The following DSTYK variants were observed in gnomAD, a reference collection of about 807,000 sequenced individuals.
DSTYK encodes RIP-homologous kinase.
In DSTYK, 34 loss-of-function variants were observed where a neutral mutation model predicts 98.7. The ratio of observed to expected loss-of-function variants is 0.34; its 90% CI spans 0.26 to 0.46. The LOEUF is 0.46. Among genes scored for constraint, DSTYK ranks in the 20% least tolerant of loss-of-function variants. DSTYK has a pLI of 1.00. For missense variants in DSTYK, 962 were observed against 1,181.7 expected (o/e 0.81, Z 2.73); for synonymous variants, 462 against 457.3 (o/e 1.01, Z -0.13).
rs377628453 is a variant in DSTYK at position 205,169,480 on chromosome 1, T to C, written c.1007A>G (p.Gln336Arg). ...GCTCAAGTGTCTCAGCTTTTCACTC[T>C]GTTCCACCAACATGCTCTGAGCTTT... Reference protein sequence around the residue: ...DTKAQSMLVEQSEKLRHLSTF... With the variant: ...DTKAQSMLVERSEKLRHLSTF... Residue 336 changes from glutamine to arginine, a missense_variant, in exon 3 of 13, where the codon CAG becomes CGG. Around this residue, in one of 4 missense-constraint regions of DSTYK, gnomAD observed 660 missense variants for 855.0 expected, o/e 0.77. Transcript: ENST00000367162. The surrounding 1 kb of genome is among the most constrained non-coding windows in gnomAD (Gnocchi z 4.0). The C allele has an allele frequency of 2.0e-4, 324 of 1,614,170 alleles. 2 individuals carry two copies. The Middle Eastern group carries it at 3.6e-3, about 18-fold the overall frequency.
At chr1:205,195,922 G>A (rs370984184) in intron 1 of DSTYK, among the ~76,000 whole-genome samples, 1 of 152,202 alleles carries the variant, frequency 6.6e-6, no homozygotes, top group East Asian at 1.9e-4. Context: ...AGGCTTTAAC[G>A]TATGGGACGC....
At chr1:205,188,337 T>G (rs1658616232) in intron 1 of DSTYK, among the ~76,000 whole-genome samples, 1 of 152,220 alleles carries the variant, frequency 6.6e-6, no homozygotes, top group Non-Finnish European at 1.5e-5. Context: ...CAGGCAATTT[T>G]GTCATTGTGT....
intron 1 of DSTYK, among the ~76,000 whole-genome samples, chr1:205,192,830 C>T (rs574363743): frequency 7.2e-5 from 11 of 152,088 alleles, no homozygotes; most frequent in Non-Finnish European, 4.4e-5. Context: ...CCATTGCACT[C>T]CAGTCTGAGT....
intron 2 of DSTYK, among the ~76,000 whole-genome samples, chr1:205,186,960 A>C (rs1397729685): frequency 6.6e-6 from 1 of 152,242 alleles, no homozygotes; most frequent in Non-Finnish European, 1.5e-5. Flanking sequence ...AGATCTAAGG[A>C]AGAACCCACA....
chr1:205,203,258 A>G (rs1659093580), intron 1 of DSTYK, among the ~76,000 whole-genome samples: 1 of 149,426 alleles, frequency 6.7e-6, no homozygotes, highest in African/African-American at 2.5e-5. Flanking sequence ...CAAGGTGGCC[A>G]GATCACTTGA....
rs192535495 is a variant in DSTYK, at chr1:205,211,634, C to T, written c.-99G>A. ...TGCCGAAGGGAGGAGGAATCCGCCT[C>T]CTGACGCCCCCGCCTGCAGTCAGCC... On this transcript the variant is annotated 5_prime_UTR_variant, in exon 1 of 13. Coordinates refer to ENST00000367162, the MANE Select transcript of DSTYK (RefSeq NM_015375.3). 1.3e-4 allele frequency: 176 copies of T among 1,381,550 alleles called. 1 individual carries two copies. In the African/African-American group the frequency reaches 2.4e-3, roughly 19 times the overall value. 85.6% of individuals were successfully genotyped at this position (1,381,550 alleles called of 1,614,324 possible). A position where few individuals can be genotyped will look rare whatever the true frequency, so the allele number is the denominator to read the frequency against.
intron 2 of DSTYK, among the ~76,000 whole-genome samples, chr1:205,170,594 T>C (rs963456043): frequency 3.3e-5 from 5 of 152,210 alleles, no homozygotes; most frequent in Non-Finnish European, 7.3e-5. Context: ...TGTCCTGTTC[T>C]GAGTCTGTAG....
At chr1:205,208,170 G>A (rs1287761567) in intron 1 of DSTYK, among the ~76,000 whole-genome samples, 1 of 152,094 alleles carries the variant, frequency 6.6e-6, no homozygotes, top group African/African-American at 2.4e-5. Flanking sequence ...GTGAGCCACC[G>A]CACCCAGCCT....
Position 205,147,451 on chromosome 1 carries a change from T to C in DSTYK, c.*107A>G. The C allele has an allele frequency of 7.9e-7, 1 of 1,264,226 alleles. No homozygotes were observed. The highest frequency in any genetic ancestry group is 1.6e-5 in the South Asian group (1 of 61,546). The allele number at this position is 1,264,226 out of a possible 1,614,324, so 78.3% of individuals were successfully genotyped here. On this transcript the variant is annotated 3_prime_UTR_variant, in exon 13 of 13. Coordinates refer to ENST00000367162, the MANE Select transcript of DSTYK (RefSeq NM_015375.3). ...TTCCAAGTTTCCCAGCAAGCACCAG[T>C]TCCCTTGGGAGTGTGTCCTATAGTG... is the stretch of plus-strand genomic sequence containing the variant.
intron 10 of DSTYK, 33 bp downstream of exon 10, chr1:205,157,240 G>A (rs749258992): frequency 1.3e-6 from 2 of 1,568,298 alleles, no homozygotes; most frequent in South Asian, 1.1e-5. Flanking sequence ...CACAGAGGTA[G>A]GGTATAATCT....
At chr1:205,191,412 A>G (rs1276479689) in intron 1 of DSTYK, among the ~76,000 whole-genome samples, 1 of 152,210 alleles carries the variant, frequency 6.6e-6, no homozygotes, top group East Asian at 1.9e-4. Flanking sequence ...ACGAGAATGA[A>G]GGCAGGCTTT....
At position 205,187,549 on chromosome 1, in the gene DSTYK, G is replaced by A; in HGVS notation, c.523C>T (p.His175Tyr). The A allele has an allele frequency of 6.2e-7, 1 of 1,614,160 alleles. No homozygotes were observed. The highest frequency in any genetic ancestry group is 1.1e-5 in the South Asian group (1 of 91,082). Residue 175 changes from histidine to tyrosine, a missense_variant, in exon 2 of 13, where the codon CAC becomes TAC. His to Tyr is a moderately conservative substitution (Grantham distance 83, BLOSUM62 2). Transcript: ENST00000367162. ...TTGCCCTGATGAGCAACCAGCGTGT[G>A]CACTAGTTCATACTGTCCAGGGAGC... ...LALPGQYELV[H>Y]TLVAHQGNWE...
intron 10 of DSTYK, among the ~76,000 whole-genome samples, chr1:205,152,939 G>A (rs1353119782): frequency 6.6e-6 from 1 of 152,114 alleles, no homozygotes; most frequent in Non-Finnish European, 1.5e-5. Context: ...TGGTACATAT[G>A]AAGATCCTAA....
Position 205,211,588 on chromosome 1 carries a change from T to A in DSTYK, c.-53A>T. 2 of 1,402,300 alleles carry A rather than the reference T, an allele frequency of 1.4e-6. No homozygotes were observed. Among genetic ancestry groups the A allele is most frequent in the Non-Finnish European group, 1.8e-6 (2 of 1,086,074 alleles). 86.9% of individuals were successfully genotyped at this position (1,402,300 alleles called of 1,614,324 possible). On this transcript the variant is annotated 5_prime_UTR_variant, in exon 1 of 13. Transcript: ENST00000367162. ...TCGGTCCCCGGCCGCAGGCCCGGCC[T>A]CCCTCCTCCCCGCCCCCCAGTGCCG... is the stretch of plus-strand genomic sequence containing the variant.
At chr1:205,196,588 T>A (rs765637264) in intron 1 of DSTYK, among the ~76,000 whole-genome samples, 4 of 151,756 alleles carry the variant, frequency 2.6e-5, no homozygotes, top group African/African-American at 4.8e-5. Context: ...AAAAACCCCA[T>A]CACTGAGACA....
At chr1:205,208,294 T>C (rs1659267227) in intron 1 of DSTYK, among the ~76,000 whole-genome samples, 1 of 152,228 alleles carries the variant, frequency 6.6e-6, no homozygotes, top group Non-Finnish European at 1.5e-5. Context: ...CTTTACTCTT[T>C]TGTGGGTGAA....
chr1:205,169,865 T>C lies in DSTYK; in HGVS notation c.655-33A>G, dbSNP rs959594337. The C allele has an allele frequency of 1.3e-6, 2 of 1,574,660 alleles. No individual in the cohort carries two copies. The highest frequency in any genetic ancestry group is 1.7e-6 in the Non-Finnish European group (2 of 1,163,628). Reference sequence around the variant, plus strand: ...GGGAAGGGGGTCATATATCAGCGCCTCAGGGTCAGAACCAATCCCTGTCTC... The same window carrying C: ...GGGAAGGGGGTCATATATCAGCGCCCCAGGGTCAGAACCAATCCCTGTCTC... On this transcript the variant is annotated intron_variant, in intron 2 of 12. Transcript: ENST00000367162. The surrounding 1 kb of genome is among the most constrained non-coding windows in gnomAD (Gnocchi z 4.0).
At chr1:205,204,296 C>T (rs1659136805) in intron 1 of DSTYK, among the ~76,000 whole-genome samples, 1 of 152,154 alleles carries the variant, frequency 6.6e-6, no homozygotes, top group South Asian at 2.1e-4. Context: ...CAGAAAAGAA[C>T]AAAGGAAGAG....
Position 205,150,141 on chromosome 1 carries a change from T to C in DSTYK, c.2467+539A>G, listed in dbSNP as rs752280206. On this transcript the variant is annotated intron_variant, in intron 11 of 12. Transcript: ENST00000367162. The surrounding 1 kb of genome is among the most constrained non-coding windows in gnomAD (Gnocchi z 4.1). The stretch of plus-strand genomic sequence containing the variant: ...TCAAGGTATATACTTAATAAATGAG[T>C]TCCCTTCTCACCTACCAATTTCCCA... Among the ~76,000 whole-genome samples, 9 of 152,032 alleles carry C rather than the reference T, an allele frequency of 5.9e-5. No homozygotes were observed. The highest frequency in any genetic ancestry group is 8.8e-5 in the Non-Finnish European group (6 of 68,020).
Sources: allele counts gnomAD v4.1 joint callset (sites outside exome capture counted in the v4.1 genomes callset), GRCh38; gene constraint gnomAD v4.1.1; regional missense constraint gnomAD v4.1.1; non-coding constraint Gnocchi (gnomAD v3.1); transcripts MANE v1.5; gene names NCBI Gene and HGNC (gene_info 2026-07-23, HGNC 2026-07-21).